Variants in RNF130 observed in about 807,000 individuals in gnomAD.
RNF130 encodes the protein E3 ubiquitin-protein ligase RNF130.
Under a neutral mutation model 44.6 loss-of-function variants are expected in RNF130, and 21 were observed. The ratio of observed to expected loss-of-function variants is 0.47; its 90% CI spans 0.33 to 0.68. RNF130 has a LOEUF of 0.68. Ranked by LOEUF, RNF130 falls within the 30% of genes least tolerant of loss-of-function variation. The pLI is 0.02. For synonymous variants in RNF130, 214 were observed against 210.4 expected (o/e 1.02, Z -0.15); for missense variants, 479 against 560.6 (o/e 0.85, Z 1.47).
chr5:180,071,101 A>C (rs190686993), intron 1 of RNF130, among the ~76,000 whole-genome samples: 1 of 152,228 alleles, frequency 6.6e-6, no homozygotes, highest in African/African-American at 2.4e-5. Context: ...CGCTTCCAAA[A>C]TACAGGCTGA....
chr5:180,007,060 T>C (rs146485899), intron 3 of RNF130, among the ~76,000 whole-genome samples: 1 of 152,314 alleles, frequency 6.6e-6, no homozygotes, highest in African/African-American at 2.4e-5. Context: ...TTACAATATA[T>C]GGATCTCTTT....
intron 8 of RNF130, among the ~76,000 whole-genome samples, chr5:179,961,977 G>C (rs188451736): frequency 6.6e-6 from 1 of 152,284 alleles, no homozygotes; most frequent in African/African-American, 2.4e-5. Context: ...ACAACCCTGC[G>C]ATATGGTCCT....
intron 7 of RNF130, among the ~76,000 whole-genome samples, chr5:179,964,607 G>A (rs1454163922): frequency 6.6e-6 from 1 of 152,126 alleles, no homozygotes; most frequent in African/African-American, 2.4e-5. Flanking sequence ...TCTCAATCTG[G>A]GTTCCACAAA....
chr5:180,065,615 C>G (rs1181171912), intron 1 of RNF130, among the ~76,000 whole-genome samples: 1 of 152,084 alleles, frequency 6.6e-6, no homozygotes, highest in Non-Finnish European at 1.5e-5. Context: ...AAAAAATTAG[C>G]TGGGTGTGGT....
chr5:180,055,535 TAAAG>T (rs536159481), intron 1 of RNF130, among the ~76,000 whole-genome samples: 63 of 152,082 alleles, frequency 4.1e-4, no homozygotes, highest in African/African-American at 1.1e-3. Flanking sequence ...TTGTCCTAAA[TAAAG>T]AGAGGGATTT....
intron 5 of RNF130, among the ~76,000 whole-genome samples, chr5:179,971,493 A>C (rs542532989): frequency 6.6e-6 from 1 of 152,188 alleles, no homozygotes; most frequent in East Asian, 1.9e-4. Flanking sequence ...CCTTAGCCTC[A>C]CAAGCAGCTG....
chr5:179,989,880 T>C (rs987843856), intron 3 of RNF130, among the ~76,000 whole-genome samples: 1 of 152,238 alleles, frequency 6.6e-6, no homozygotes, highest in Non-Finnish European at 1.5e-5. Context: ...GTAATTGTTT[T>C]ATGAGACTTA....
At chr5:179,948,062 G>A (rs932914230) in intron 7 of RNF130, among the ~76,000 whole-genome samples, 3 of 152,200 alleles carry the variant, frequency 2.0e-5, no homozygotes, top group African/African-American at 7.2e-5. Flanking sequence ...AAGTAGTTGG[G>A]AGCATTGACT....
intron 1 of RNF130, among the ~76,000 whole-genome samples, chr5:180,060,408 G>T (rs1258994108): frequency 6.6e-6 from 1 of 152,134 alleles, no homozygotes; most frequent in East Asian, 1.9e-4. Context: ...TTCCAGCAAA[G>T]CATCTGATTA....
At chr5:179,983,574 C>G (rs1362105307) in intron 3 of RNF130, among the ~76,000 whole-genome samples, 3 of 152,112 alleles carry the variant, frequency 2.0e-5, no homozygotes, top group Admixed American at 6.5e-5. Flanking sequence ...GTGGTGTTAA[C>G]CATCCCACAT....
chr5:179,975,397 A>G (rs1229316169), intron 5 of RNF130, among the ~76,000 whole-genome samples: 2 of 152,134 alleles, frequency 1.3e-5, no homozygotes, highest in African/African-American at 4.8e-5. Context: ...AGGGCCAAGG[A>G]CACTGCCAGG....
chr5:180,041,106 G>T (rs1764400431), intron 1 of RNF130, among the ~76,000 whole-genome samples: 1 of 152,188 alleles, frequency 6.6e-6, no homozygotes, highest in Non-Finnish European at 1.5e-5. Context: ...GGGGGCCAGT[G>T]AGGAGGCCAA....
At position 180,071,476 on chromosome 5, in the gene RNF130, G is replaced by A. The variant is rs766746472; in HGVS notation, c.227C>T (p.Ala76Val). The A allele has an allele frequency of 8.0e-7, 1 of 1,248,840 alleles. No individual in the cohort carries two copies. The highest frequency in any genetic ancestry group is 1.0e-6 in the Non-Finnish European group (1 of 994,684). 77.4% of individuals were successfully genotyped at this position (1,248,840 alleles called of 1,614,324 possible). A position where few individuals can be genotyped will look rare whatever the true frequency, so the allele number is the denominator to read the frequency against. ...CTCACCTCCGTGGAGGGGCAGCGGC[G>A]CCAGCACCTGGCCGCGGACCTCGGC... ...PKAEVRGQVL[A>V]PLPLHGVADH... Residue 76 changes from alanine (A) to valine (V), a missense_variant, in exon 1 of 9, where the codon GCG (alanine) becomes GTG (valine). Coordinates refer to ENST00000521389, the MANE Select transcript of RNF130 (RefSeq NM_018434.6).
At chr5:179,933,398 TTGTGTGTG>T (rs71001060) in intron 7 of RNF130, among the ~76,000 whole-genome samples, 1 of 143,398 alleles carries the variant, frequency 7.0e-6, no homozygotes, top group Admixed American at 7.1e-5. Flanking sequence ...ATAACCCTAT[TTGTGTGTG>T]TGTGTGTGTG....
chr5:180,002,630 T>A (rs1763369815), intron 3 of RNF130, among the ~76,000 whole-genome samples: 1 of 152,128 alleles, frequency 6.6e-6, no homozygotes. Context: ...TTGAAGGGGC[T>A]GCTGGGATCC....
At chr5:179,929,509 AG>A (rs1353803347) in intron 7 of RNF130, among the ~76,000 whole-genome samples, 3 of 152,174 alleles carry the variant, frequency 2.0e-5, no homozygotes, top group Non-Finnish European at 4.4e-5. Flanking sequence ...GCACTTTAGG[AG>A]GCCAAGGTGG....
chr5:179,968,667 TAAAAAAA>T (rs35941932), intron 6 of RNF130, among the ~76,000 whole-genome samples: 1 of 68,104 alleles, frequency 1.5e-5, no homozygotes, highest in Non-Finnish European at 3.4e-5. Context: ...CTCTGTCTCA[TAAAAAAA>T]AAAAAAAAAA....
chr5:180,071,106 G>A (rs1232608706), intron 1 of RNF130, among the ~76,000 whole-genome samples: 1 of 152,150 alleles, frequency 6.6e-6, no homozygotes, highest in African/African-American at 2.4e-5. Flanking sequence ...CCAAAATACA[G>A]GCTGAGACGT....
chr5:179,970,618 T>G, intron 5 of RNF130, 112 bp from the exon 6 acceptor site: 1 of 760,236 alleles, frequency 1.3e-6, no homozygotes, highest in Non-Finnish European at 2.2e-6. Flanking sequence ...TTTCAGGACA[T>G]ATTTTAAGCC....
Sources: allele counts gnomAD v4.1 joint callset (sites outside exome capture counted in the v4.1 genomes callset), GRCh38; gene constraint gnomAD v4.1.1; transcripts MANE v1.5; gene names NCBI Gene and HGNC (gene_info 2026-07-23, HGNC 2026-07-21).